Variants in DPF3 observed in about 807,000 individuals in gnomAD.
DPF3 encodes the protein zinc finger protein DPF3.
Under a neutral mutation model 56.8 loss-of-function variants are expected in DPF3, and 18 were observed. The observed-to-expected ratio is 0.32, with a 90% CI of 0.22 to 0.47. DPF3 has a LOEUF of 0.47. Among genes scored for constraint, DPF3 ranks in the 20% least tolerant of loss-of-function variants. DPF3 has a pLI of 1.00. For missense variants in DPF3, 403 were observed against 488.8 expected, an observed-to-expected ratio of 0.82 and a Z score of 1.65; for synonymous variants, 188 against 180.2, an observed-to-expected ratio of 1.04 and a Z score of -0.35.
chr14:72,624,586 G>A (rs564173244), intron 9 of DPF3, among the ~76,000 whole-genome samples: 5 of 152,214 alleles, frequency 3.3e-5, no homozygotes, highest in Non-Finnish European at 7.4e-5. Flanking sequence ...TAATCCGCCC[G>A]CCTCAGCCTC....
At position 72,713,431 on chromosome 14, in the gene DPF3, G is replaced by A. The variant is rs562650428; in HGVS notation, c.604+992C>T. Among the ~76,000 whole-genome samples, 6 of 152,284 alleles carry A rather than the reference G, an allele frequency of 3.9e-5. No individual in the cohort carries two copies. In the South Asian group the frequency reaches 1.2e-3, roughly 32 times the overall value. The stretch of plus-strand genomic sequence containing the variant: ...GCCCCACCCCTACCCCGCCTTGCCA[G>A]CTCTCTCCCTGCCTTCAGGGAGACT... On this transcript the variant is annotated intron_variant, in intron 6 of 10. Transcript: ENST00000556509.
chr14:72,891,370 T>C (rs776712754), intron 1 of DPF3, among the ~76,000 whole-genome samples: 30 of 151,018 alleles, frequency 2.0e-4, no homozygotes, highest in Non-Finnish European at 3.8e-4. Context: ...AAAATGCTAA[T>C]GTCGTTCAGC....
chr14:72,730,266 G>A (rs893747951), intron 4 of DPF3, among the ~76,000 whole-genome samples: 1 of 152,002 alleles, frequency 6.6e-6, no homozygotes, highest in Non-Finnish European at 1.5e-5. Context: ...TGATGAGCAG[G>A]ATGTCAGGTG....
At chr14:72,651,370 A>G (rs749983950) in intron 8 of DPF3, among the ~76,000 whole-genome samples, 65 of 152,244 alleles carry the variant, frequency 4.3e-4, no homozygotes, top group Middle Eastern at 3.4e-3. Context: ...GGGCCAAAAT[A>G]TTCCTGGGCA....
chr14:72,623,249 A>G (rs982888725), intron 9 of DPF3, among the ~76,000 whole-genome samples: 1 of 152,240 alleles, frequency 6.6e-6, no homozygotes, highest in Non-Finnish European at 1.5e-5. Context: ...TTTCTTTATA[A>G]ATTTGATTTT....
chr14:72,675,258 A>G (rs1338032738), intron 7 of DPF3, among the ~76,000 whole-genome samples: 1 of 152,214 alleles, frequency 6.6e-6, no homozygotes. Context: ...AAATCATTCC[A>G]TTTCCAGGGG....
At chr14:72,728,901 G>T (rs1425091222) in intron 4 of DPF3, among the ~76,000 whole-genome samples, 1 of 152,128 alleles carries the variant, frequency 6.6e-6, no homozygotes, top group Non-Finnish European at 1.5e-5. Context: ...GGAGGCAGGG[G>T]CAGTCAGGGC....
chr14:72,620,483 C>A (rs1884363601), intron 9 of DPF3, among the ~76,000 whole-genome samples: 1 of 152,214 alleles, frequency 6.6e-6, no homozygotes, highest in Non-Finnish European at 1.5e-5. Flanking sequence ...TAGAAAAATG[C>A]AAGTAGCGCC....
At chr14:72,715,721 C>A (rs1888892091) in intron 5 of DPF3, among the ~76,000 whole-genome samples, 1 of 152,008 alleles carries the variant, frequency 6.6e-6, no homozygotes, top group Non-Finnish European at 1.5e-5. Flanking sequence ...CACACCCACT[C>A]AGAAAACACA....
chr14:72,786,535 G>A (rs1343940475), intron 1 of DPF3, among the ~76,000 whole-genome samples: 2 of 152,222 alleles, frequency 1.3e-5, no homozygotes, highest in Non-Finnish European at 2.9e-5. Context: ...GAGTCGAGTA[G>A]TTCCAACAGA....
At chr14:72,766,336 G>A (rs753021559) in intron 2 of DPF3, among the ~76,000 whole-genome samples, 4 of 152,190 alleles carry the variant, frequency 2.6e-5, no homozygotes, top group Non-Finnish European at 4.4e-5. Context: ...GAAAGATGAA[G>A]GGAACCAGTC....
chr14:72,628,618 A>T (rs775674145), intron 9 of DPF3, among the ~76,000 whole-genome samples: 1 of 152,064 alleles, frequency 6.6e-6, no homozygotes, highest in Non-Finnish European at 1.5e-5. Flanking sequence ...ACCACCATCT[A>T]TGAAGTAGTC....
At chr14:72,736,233 C>T (rs990017974) in intron 3 of DPF3, among the ~76,000 whole-genome samples, 7 of 152,122 alleles carry the variant, frequency 4.6e-5, no homozygotes, top group South Asian at 4.1e-4. Context: ...AAAATATGGA[C>T]GCAAAATTTT....
At chr14:72,690,560 G>GCA (rs778758381) in intron 7 of DPF3, among the ~76,000 whole-genome samples, 1 of 149,076 alleles carries the variant, frequency 6.7e-6, no homozygotes, top group Non-Finnish European at 1.5e-5. Flanking sequence ...ACACATGCAC[G>GCA]CACACACACA....
At chr14:72,638,335 G>A (rs187669545) in intron 8 of DPF3, among the ~76,000 whole-genome samples, 1 of 152,310 alleles carries the variant, frequency 6.6e-6, no homozygotes, top group East Asian at 1.9e-4. Context: ...CATTTGCTGT[G>A]CATTCCAGGC....
At chr14:72,765,281 ACT>A (rs1257084479) in intron 2 of DPF3, among the ~76,000 whole-genome samples, 2 of 151,444 alleles carry the variant, frequency 1.3e-5, no homozygotes, top group South Asian at 4.3e-4. Context: ...AGGAAGTGGA[ACT>A]CTCATATATT....
intron 1 of DPF3, among the ~76,000 whole-genome samples, chr14:72,788,694 T>C (rs1041848101): frequency 1.3e-5 from 2 of 152,192 alleles, no homozygotes; most frequent in African/African-American, 4.8e-5. Flanking sequence ...CTCTGAATTC[T>C]AACCTTTCTT....
At chr14:72,630,963 C>A (rs1885137060) in intron 8 of DPF3, among the ~76,000 whole-genome samples, 1 of 152,212 alleles carries the variant, frequency 6.6e-6, no homozygotes, top group African/African-American at 2.4e-5. Flanking sequence ...GCGCCACCAC[C>A]CCTTGGCAAA....
intron 3 of DPF3, among the ~76,000 whole-genome samples, chr14:72,750,818 C>T (rs1474397305): frequency 1.6e-5 from 1 of 62,756 alleles, no homozygotes; most frequent in Admixed American, 1.5e-4. Flanking sequence ...AAAAAAAAAA[C>T]CTGCTACCAC....
Sources: gnomAD v4.1 joint callset for allele counts (sites outside exome capture counted in the v4.1 genomes callset) on GRCh38, gnomAD v4.1.1 for gene constraint, MANE v1.5 for transcripts, NCBI Gene and HGNC (gene_info 2026-07-23, HGNC 2026-07-21) for gene names.